DHRS7B: variants seen among roughly 807,000 people sequenced by gnomAD.
DHRS7B encodes the protein dehydrogenase/reductase 7B.
DHRS7B carries 24 observed loss-of-function variants against 26.4 expected under a neutral mutation model. That is an observed-to-expected ratio of 0.91 (90% CI 0.66 to 1.28). DHRS7B has a LOEUF of 1.28. Ranked by LOEUF, DHRS7B falls within the 50% of genes most tolerant of loss-of-function variation. The probability of loss-of-function intolerance (pLI) is 0.00; values close to 1 mark genes in which losing one functional copy is unlikely to be tolerated. For synonymous variants in DHRS7B, 142 were observed against 166.4 expected (o/e 0.85, Z 1.13); for missense variants, 368 against 419.4 (o/e 0.88, Z 1.07).
intron 1 of DHRS7B, among the ~76,000 whole-genome samples, chr17:21,138,101 T>TATACACACACACACACAC (rs1555536219): frequency 2.3e-5 from 2 of 86,112 alleles, no homozygotes; most frequent in Non-Finnish European, 4.0e-5. Flanking sequence ...TATATATATA[T>TATACACACACACACACAC]ACACACACAC....
chr17:21,132,910 C>T (rs1442719746), intron 1 of DHRS7B, among the ~76,000 whole-genome samples: 1 of 151,914 alleles, frequency 6.6e-6, no homozygotes, highest in Non-Finnish European at 1.5e-5. Context: ...TTTTACATGA[C>T]CCCCTATTTG....
At chr17:21,148,042 A>T (rs891004824) in intron 1 of DHRS7B, among the ~76,000 whole-genome samples, 3 of 152,044 alleles carry the variant, frequency 2.0e-5, no homozygotes, top group African/African-American at 7.2e-5. Flanking sequence ...ATGGTGAGAT[A>T]GTGTCTCTAT....
chr17:21,139,444 G>A (rs1021703276), intron 1 of DHRS7B, among the ~76,000 whole-genome samples: 3 of 152,150 alleles, frequency 2.0e-5, no homozygotes, highest in Non-Finnish European at 4.4e-5. Context: ...GGGAGGCTGA[G>A]GCAGGCAGAT....
intron 6 of DHRS7B, among the ~76,000 whole-genome samples, 153 bp downstream of exon 6, chr17:21,189,016 G>A (rs988274522): frequency 2.0e-5 from 3 of 152,114 alleles, no homozygotes; most frequent in Non-Finnish European, 4.4e-5. Flanking sequence ...TTCTAGATAT[G>A]GACTATTGAA....
chr17:21,167,765 A>G (rs1345125984), intron 1 of DHRS7B, among the ~76,000 whole-genome samples: 1 of 152,182 alleles, frequency 6.6e-6, no homozygotes, highest in African/African-American at 2.4e-5. Context: ...TTTTTATACC[A>G]TCAATCTTGC....
intron 1 of DHRS7B, among the ~76,000 whole-genome samples, chr17:21,149,431 ATAAAGT>A (rs1486572060): frequency 2.0e-5 from 3 of 152,220 alleles, no homozygotes; most frequent in South Asian, 2.1e-4. Flanking sequence ...AAACCCACTG[ATAAAGT>A]TAAGTACGTG....
chr17:21,179,667 T>C (rs994740889), intron 3 of DHRS7B, among the ~76,000 whole-genome samples: 1 of 152,208 alleles, frequency 6.6e-6, no homozygotes, highest in Non-Finnish European at 1.5e-5. Flanking sequence ...TTTGTTGTTG[T>C]TGAGTTTAGG....
intron 6 of DHRS7B, 25 bp downstream of exon 6, chr17:21,188,888 C>T: frequency 6.2e-7 from 1 of 1,614,034 alleles, no homozygotes; most frequent in Non-Finnish European, 8.5e-7. Context: ...CTCTTTTCTC[C>T]TATGAAAATC....
intron 5 of DHRS7B, among the ~76,000 whole-genome samples, chr17:21,185,775 C>A (rs1334441751): frequency 6.6e-6 from 1 of 151,906 alleles, no homozygotes; most frequent in Non-Finnish European, 1.5e-5. Context: ...ACAACCTCCG[C>A]CTCCCGGGTT....
At chr17:21,171,551 G>T in intron 1 of DHRS7B, 1 of 283,264 alleles carries the variant, frequency 3.5e-6, no homozygotes, top group Non-Finnish European at 7.0e-6. Context: ...CTGAGTGTCT[G>T]CTCTGAAGAG....
chr17:21,149,656 AT>A (rs1162215289), intron 1 of DHRS7B, among the ~76,000 whole-genome samples: 1 of 152,010 alleles, frequency 6.6e-6, no homozygotes. Context: ...TTTTAAACAT[AT>A]TTTTCTTTGT....
chr17:21,154,828 A>T (rs1973845458), intron 1 of DHRS7B, among the ~76,000 whole-genome samples: 1 of 152,204 alleles, frequency 6.6e-6, no homozygotes, highest in Non-Finnish European at 1.5e-5. Context: ...AAGGGAAGAG[A>T]GGGAAGAATC....
intron 2 of DHRS7B, among the ~76,000 whole-genome samples, chr17:21,174,306 G>T (rs1313479281): frequency 6.6e-6 from 1 of 152,192 alleles, no homozygotes; most frequent in Non-Finnish European, 1.5e-5. Context: ...GTGTACTTAA[G>T]CCTCTTGAGC....
rs35189205 is a variant in DHRS7B, at chr17:21,164,030, CTT to C, written c.21-7973_21-7972del. Among the ~76,000 whole-genome samples, 15 of 96,924 alleles carry C rather than the reference CTT, an allele frequency of 1.5e-4. 1 individual carries two copies. The highest frequency in any genetic ancestry group is 2.5e-4 in the African/African-American group (5 of 19,764). 63.6% of individuals were successfully genotyped at this position (96,924 alleles called of 152,430 possible). ...AGTGCAGATATTGTCAATTGTTGTG[CTT>C]TTTTTTTTTTTTTTGAGACAGGGTG... On this transcript the variant is annotated intron_variant, in intron 1 of 6. Transcript: ENST00000395511.
rs201900387 is a variant in DHRS7B at position 21,140,022 on chromosome 17, C to CTTTTTTTTTTTTTTTTTT, written c.20+13034_20+13051dup. 7.5e-5 allele frequency among the ~76,000 whole-genome samples: 8 copies of CTTTTTTTTTTTTTTTTTT among 106,702 alleles called. 1 individual carries two copies. The highest frequency in any genetic ancestry group is 1.1e-4 in the Admixed American group (1 of 9,048). The allele number at this position is 106,702 out of a possible 152,430, so 70.0% of individuals were successfully genotyped here. On this transcript the variant is annotated intron_variant, in intron 1 of 6. Coordinates refer to ENST00000395511, the MANE Select transcript of DHRS7B (RefSeq NM_015510.5). ...TTTTTTCCTATCAGACTTTCAGATTCTTTTTTTTTTTTTTTTTTTTGAGAC... is the reference window on the plus strand; with the variant it reads ...TTTTTTCCTATCAGACTTTCAGATTCTTTTTTTTTTTTTTTTTTTTTTTTTTTTTTTTTTTTTTGAGAC...
At position 21,188,694 on chromosome 17, in the gene DHRS7B, T is replaced by G. The variant is rs780529889; in HGVS notation, c.620-17T>G. On this transcript the variant is annotated splice_polypyrimidine_tract_variant and intron_variant, in intron 5 of 6. Coordinates refer to ENST00000395511, the MANE Select transcript of DHRS7B (RefSeq NM_015510.5). ...CCCAGCGCACTCAGTCACCTGCCTCTCCGTCCACATGTGTAGATGCAGCCT... is the reference window on the plus strand; with the variant it reads ...CCCAGCGCACTCAGTCACCTGCCTCGCCGTCCACATGTGTAGATGCAGCCT... 47 of 1,561,602 alleles carry G rather than the reference T, an allele frequency of 3.0e-5. No homozygotes were observed. Among genetic ancestry groups the G allele is most frequent in the Non-Finnish European group, 4.1e-5 (47 of 1,154,784 alleles).
intron 1 of DHRS7B, among the ~76,000 whole-genome samples, chr17:21,138,097 TATATACAC>T (rs1973397411): frequency 9.1e-5 from 8 of 87,604 alleles, no homozygotes; most frequent in African/African-American, 1.1e-4. Flanking sequence ...TATATATATA[TATATACAC>T]ACACACACAC....
chr17:21,161,000 T>C (rs1973988008), intron 1 of DHRS7B, among the ~76,000 whole-genome samples: 1 of 152,210 alleles, frequency 6.6e-6, no homozygotes, highest in Non-Finnish European at 1.5e-5. Flanking sequence ...TATGACATTC[T>C]GGAAAAGGCA....
chr17:21,169,409 G>A (rs1050095401), intron 1 of DHRS7B, among the ~76,000 whole-genome samples: 1 of 152,112 alleles, frequency 6.6e-6, no homozygotes, highest in Admixed American at 6.5e-5. Flanking sequence ...TGTTCCCTCT[G>A]TGTACAGATG....
Sources: gnomAD v4.1 joint callset for allele counts (sites outside exome capture counted in the v4.1 genomes callset) on GRCh38, gnomAD v4.1.1 for gene constraint, MANE v1.5 for transcripts, NCBI Gene and HGNC (gene_info 2026-07-23, HGNC 2026-07-21) for gene names.